The following NRXN1 variants were observed in gnomAD, a reference collection of about 807,000 sequenced individuals.
The protein encoded by NRXN1 is neurexin 1.
NRXN1 carries 39 observed loss-of-function variants against 150.9 expected under a neutral mutation model. The ratio of observed to expected loss-of-function variants is 0.26; its 90% CI spans 0.20 to 0.34. NRXN1 has a LOEUF of 0.34. Among genes scored for constraint, NRXN1 ranks in the 10% least tolerant of loss-of-function variants. The pLI, the probability that NRXN1 is intolerant of heterozygous loss-of-function variation, is 1.00. For synonymous variants in NRXN1, 924 were observed against 757.0 expected (o/e 1.22, Z -3.62); for missense variants, 1,815 against 1,949.9 (o/e 0.93, Z 1.30).
chr2:50,759,550 C>G (rs947852161), intron 5 of NRXN1, among the ~76,000 whole-genome samples: 2 of 151,774 alleles, frequency 1.3e-5, no homozygotes, highest in African/African-American at 4.8e-5. Context: ...TTATAAGACT[C>G]CAATGAGACA....
intron 17 of NRXN1, among the ~76,000 whole-genome samples, chr2:50,275,290 G>C (rs910293422): frequency 3.3e-5 from 5 of 152,116 alleles, no homozygotes; most frequent in African/African-American, 1.2e-4. Context: ...GATTACTGCA[G>C]CAAGAAGTGA....
At chr2:50,905,750 T>C (rs1268007967) in intron 5 of NRXN1, among the ~76,000 whole-genome samples, 2 of 152,168 alleles carry the variant, frequency 1.3e-5, no homozygotes, top group African/African-American at 4.8e-5. Flanking sequence ...TTATATTTTA[T>C]ATTTTACATA....
intron 21 of NRXN1, among the ~76,000 whole-genome samples, chr2:49,979,073 T>C (rs1236860071): frequency 2.0e-5 from 3 of 152,076 alleles, no homozygotes; most frequent in Admixed American, 1.3e-4. Context: ...CCGAAGCAGG[T>C]GGATCACAAG....
Position 50,497,609 on chromosome 2 carries a change from T to A in NRXN1, c.2603A>T (p.His868Leu). Residue 868 changes from histidine (H) to leucine (L), a missense_variant, in exon 14 of 23, where the codon CAC (histidine) becomes CTC (leucine). Transcript: ENST00000401669. ...LSSVPSNFIG[H>L]LQSLTFNGMA... ...TCCATTAAATGTCAAGCTCTGCAGG[T>A]GTCCAATGAAGTTGGAGGGGACAGA... The A allele has an allele frequency of 6.2e-7, 1 of 1,613,960 alleles. No individual in the cohort carries two copies.
At chr2:49,947,170 A>G (rs1673065045) in intron 21 of NRXN1, among the ~76,000 whole-genome samples, 1 of 152,038 alleles carries the variant, frequency 6.6e-6, no homozygotes, top group South Asian at 2.1e-4. Flanking sequence ...TTTTATTCTC[A>G]ATTTCAAATT....
At chr2:50,401,612 CG>C (rs1200471856) in intron 17 of NRXN1, among the ~76,000 whole-genome samples, 2 of 151,878 alleles carry the variant, frequency 1.3e-5, no homozygotes, top group Non-Finnish European at 2.9e-5. Flanking sequence ...CTACGTGAGA[CG>C]TCTTTAATTG....
intron 5 of NRXN1, among the ~76,000 whole-genome samples, chr2:50,703,459 G>A (rs542488705): frequency 6.6e-6 from 1 of 152,216 alleles, no homozygotes; most frequent in Admixed American, 6.5e-5. Flanking sequence ...GGAGGGTTAA[G>A]AAGAAGGAAA....
chr2:50,689,246 C>A (rs977112039), intron 5 of NRXN1, among the ~76,000 whole-genome samples: 1 of 152,092 alleles, frequency 6.6e-6, no homozygotes, highest in African/African-American at 2.4e-5. Context: ...TTTATCTCTT[C>A]TTTCAGAAAT....
At chr2:50,307,702 C>A (rs556717090) in intron 17 of NRXN1, among the ~76,000 whole-genome samples, 20 of 152,208 alleles carry the variant, frequency 1.3e-4, no homozygotes, top group Non-Finnish European at 2.5e-4. Flanking sequence ...TTCATGACTC[C>A]TGACTTACTC....
At chr2:50,133,573 AC>A (rs368713400) in intron 18 of NRXN1, among the ~76,000 whole-genome samples, 140 of 152,284 alleles carry the variant, frequency 9.2e-4, no homozygotes, top group African/African-American at 3.2e-3. Context: ...ATCCAAGGTG[AC>A]AACTCAAGAA....
At chr2:50,026,275 T>G (rs1234220815) in intron 21 of NRXN1, among the ~76,000 whole-genome samples, 2 of 152,212 alleles carry the variant, frequency 1.3e-5, no homozygotes, top group Non-Finnish European at 2.9e-5. Context: ...TTTTTGAGTT[T>G]GAAACAGAGA....
At chr2:50,323,884 T>C (rs1343893723) in intron 17 of NRXN1, among the ~76,000 whole-genome samples, 2 of 152,160 alleles carry the variant, frequency 1.3e-5, no homozygotes, top group Admixed American at 6.5e-5. Flanking sequence ...GTATTCATCA[T>C]ACAATTCTAG....
At chr2:50,835,023 T>C (rs1453291273) in intron 5 of NRXN1, among the ~76,000 whole-genome samples, 4 of 152,214 alleles carry the variant, frequency 2.6e-5, no homozygotes, top group Non-Finnish European at 4.4e-5. Context: ...AAGAAATTAC[T>C]ATGGTTTTCC....
intron 21 of NRXN1, among the ~76,000 whole-genome samples, chr2:50,015,923 G>A (rs1686511823): frequency 1.3e-5 from 2 of 152,084 alleles, no homozygotes; most frequent in African/African-American, 4.8e-5. Context: ...CCAAGGAGAT[G>A]GAATTTCCAA....
At chr2:50,278,583 T>A (rs2070980115) in intron 17 of NRXN1, among the ~76,000 whole-genome samples, 1 of 151,860 alleles carries the variant, frequency 6.6e-6, no homozygotes, top group South Asian at 2.1e-4. Context: ...TCTAAAGGGC[T>A]TTATATTTAC....
chr2:50,086,850 G>A (rs1450748326), intron 19 of NRXN1, among the ~76,000 whole-genome samples: 2 of 144,454 alleles, frequency 1.4e-5, no homozygotes, highest in Admixed American at 1.4e-4. Context: ...GAGAGAGAGA[G>A]CGAGCCGAAA....
intron 2 of NRXN1, among the ~76,000 whole-genome samples, chr2:51,020,198 G>T (rs558454404): frequency 6.6e-6 from 1 of 151,626 alleles, no homozygotes; most frequent in Admixed American, 6.6e-5. Context: ...TTCTAGTCAA[G>T]ACCACTAAAA....
intron 5 of NRXN1, among the ~76,000 whole-genome samples, chr2:50,681,241 T>C (rs558242556): frequency 6.6e-6 from 1 of 152,330 alleles, no homozygotes; most frequent in Admixed American, 6.5e-5. Flanking sequence ...GTGCAAAAAC[T>C]GTGTTGTTCT....
intron 15 of NRXN1, among the ~76,000 whole-genome samples, chr2:50,485,051 G>A (rs1558812002): frequency 6.6e-6 from 1 of 152,136 alleles, no homozygotes. Context: ...TTTGTGCTAC[G>A]TGACAAATGA....
Sources: allele counts gnomAD v4.1 joint callset (sites outside exome capture counted in the v4.1 genomes callset), GRCh38; gene constraint gnomAD v4.1.1; transcripts MANE v1.5; gene names NCBI Gene and HGNC (gene_info 2026-07-23, HGNC 2026-07-21).